The following PPARG variants were observed in gnomAD, a reference collection of about 807,000 sequenced individuals.
PPARG encodes the protein peroxisome proliferator-activated receptor gamma.
Under a neutral mutation model 39.2 loss-of-function variants are expected in PPARG, and 17 were observed. The ratio of observed to expected loss-of-function variants is 0.43; its 90% confidence interval spans 0.30 to 0.65. PPARG has a LOEUF of 0.65. Ranked by LOEUF, PPARG falls within the 30% of genes least tolerant of loss-of-function variation. The pLI is 0.13. For synonymous variants in PPARG, 223 were observed against 215.7 expected (o/e 1.03, Z -0.30); for missense variants, 406 against 585.9 (o/e 0.69, Z 3.17).
intron 2 of PPARG, chr3:12,351,545 A>G: frequency 7.2e-7 from 1 of 1,395,826 alleles, no homozygotes; most frequent in African/African-American, 1.4e-5. Context: ...TGCTAGATAG[A>G]GACAAAATAT....
chr3:12,322,124 G>A (rs1305050543), intron 2 of PPARG, among the ~76,000 whole-genome samples: 2 of 152,100 alleles, frequency 1.3e-5, no homozygotes, highest in African/African-American at 4.8e-5. Context: ...CTTTTTTGTT[G>A]CAGATACTGA....
chr3:12,288,960 C>T (rs1040307944), upstream of PPARG: 3 of 152,306 alleles, frequency 2.0e-5, no homozygotes, highest in Non-Finnish European at 4.4e-5. Context: ...GGTGTGTAGT[C>T]GTGGTACTTT....
chr3:12,295,248 AT>A (rs1404615170), intron 1 of PPARG, among the ~76,000 whole-genome samples: 3 of 152,168 alleles, frequency 2.0e-5, no homozygotes, highest in African/African-American at 7.2e-5. Flanking sequence ...ACCTATATAA[AT>A]TCTTCTGTTT....
At chr3:12,342,705 T>G (rs1305974232) in intron 2 of PPARG, among the ~76,000 whole-genome samples, 2 of 152,110 alleles carry the variant, frequency 1.3e-5, no homozygotes, top group African/African-American at 2.4e-5. Context: ...TTATATCTGG[T>G]AGTGGAAGTA....
intron 1 of PPARG, among the ~76,000 whole-genome samples, chr3:12,289,689 G>A (rs2046600513): frequency 6.6e-6 from 1 of 152,196 alleles, no homozygotes; most frequent in South Asian, 2.1e-4. Flanking sequence ...AACTGATGGT[G>A]CTAGATGATT....
At chr3:12,333,892 T>C (rs1122648) in intron 2 of PPARG, among the ~76,000 whole-genome samples, 41,690 of 152,018 alleles carry the variant, frequency 0.27, 5,827 homozygotes, top group East Asian at 0.33. Context: ...CCCCATCTTC[T>C]GTGAAGCCAT....
chr3:12,322,423 A>G (rs2047571891), intron 2 of PPARG, among the ~76,000 whole-genome samples: 1 of 152,246 alleles, frequency 6.6e-6, no homozygotes, highest in Non-Finnish European at 1.5e-5. Context: ...TCTTGTTTCA[A>G]AGACAATACC....
intron 2 of PPARG, among the ~76,000 whole-genome samples, chr3:12,313,093 A>G (rs1333835368): frequency 1.3e-5 from 2 of 152,182 alleles, no homozygotes; most frequent in African/African-American, 4.8e-5. Flanking sequence ...TTTGGGAAGG[A>G]AAAGGAGACC....
intron 6 of PPARG, among the ~76,000 whole-genome samples, chr3:12,412,930 A>T (rs986994658): frequency 1.3e-5 from 2 of 152,114 alleles, no homozygotes; most frequent in Non-Finnish European, 2.9e-5. Flanking sequence ...TTAGCCCCCA[A>T]CTAGAAGTGT....
intron 1 of PPARG, among the ~76,000 whole-genome samples, chr3:12,295,833 T>G (rs2046766404): frequency 6.6e-6 from 1 of 152,066 alleles, no homozygotes. Context: ...TCAAATTTGG[T>G]GACTTTTAGG....
intron 1 of PPARG, among the ~76,000 whole-genome samples, chr3:12,305,615 G>C (rs1574957874): frequency 1.3e-5 from 2 of 152,176 alleles, no homozygotes; most frequent in East Asian, 3.9e-4. Context: ...TATTTGTTTT[G>C]TTAATTCTGT....
At chr3:12,310,859 T>G (rs941713232) in intron 1 of PPARG, among the ~76,000 whole-genome samples, 6 of 145,108 alleles carry the variant, frequency 4.1e-5, no homozygotes, top group African/African-American at 1.3e-4. Flanking sequence ...AAAGTGTTTC[T>G]CATCTCTCAT....
intron 1 of PPARG, among the ~76,000 whole-genome samples, chr3:12,307,585 A>G (rs1445248584): frequency 6.6e-6 from 1 of 152,222 alleles, no homozygotes; most frequent in Non-Finnish European, 1.5e-5. Flanking sequence ...AATGAGAGGA[A>G]GAGAGAGAGA....
At chr3:12,337,181 C>G (rs1413065908) in intron 2 of PPARG, among the ~76,000 whole-genome samples, 3 of 152,146 alleles carry the variant, frequency 2.0e-5, no homozygotes, top group African/African-American at 7.2e-5. Context: ...ATAGAAATAT[C>G]TCATTGTGTT....
intron 1 of PPARG, among the ~76,000 whole-genome samples, chr3:12,295,136 A>G (rs1294389148): frequency 4.6e-5 from 7 of 152,190 alleles, no homozygotes; most frequent in Non-Finnish European, 1.0e-4. Flanking sequence ...AAGTCTGTGA[A>G]TCTAAAACAG....
intron 2 of PPARG, among the ~76,000 whole-genome samples, chr3:12,373,927 G>A (rs1378482270): frequency 1.3e-5 from 2 of 152,090 alleles, no homozygotes; most frequent in Non-Finnish European, 2.9e-5. Context: ...GAGGTGAGGA[G>A]TAGGAAGAAG....
intron 1 of PPARG, among the ~76,000 whole-genome samples, chr3:12,311,353 C>G (rs2047238897): frequency 6.6e-6 from 1 of 152,164 alleles, no homozygotes; most frequent in South Asian, 2.1e-4. Context: ...ATCCGCCTGC[C>G]TCAGCCTTCC....
intron 6 of PPARG, among the ~76,000 whole-genome samples, chr3:12,413,344 A>G (rs1315145348): frequency 6.6e-6 from 1 of 152,242 alleles, no homozygotes; most frequent in East Asian, 1.9e-4. Context: ...TTGCAGTTTG[A>G]CAGATCTACC....
At chr3:12,373,526 T>G (rs2049295081) in intron 2 of PPARG, among the ~76,000 whole-genome samples, 1 of 152,180 alleles carries the variant, frequency 6.6e-6, no homozygotes, top group Non-Finnish European at 1.5e-5. Flanking sequence ...AGATTAACAT[T>G]TTTTGGAGAG....
Sources: allele counts gnomAD v4.1 joint callset (sites outside exome capture counted in the v4.1 genomes callset), GRCh38; gene constraint gnomAD v4.1.1; transcripts MANE v1.5; gene names NCBI Gene and HGNC (gene_info 2026-07-23, HGNC 2026-07-21).